CAMK1D: variants seen among roughly 807,000 people sequenced by gnomAD.
CAMK1D encodes the protein calcium/calmodulin-dependent protein kinase type 1D.
CAMK1D carries 9 observed loss-of-function variants against 47.7 expected under a neutral mutation model. The ratio of observed to expected loss-of-function variants is 0.19; its 90% CI spans 0.11 to 0.33. CAMK1D has a LOEUF of 0.33. Ranked by LOEUF, CAMK1D falls within the 10% of genes least tolerant of loss-of-function variation. The pLI, the probability that CAMK1D is intolerant of heterozygous loss-of-function variation, is 1.00. For synonymous variants in CAMK1D, 184 were observed against 184.9 expected (o/e 0.99, Z 0.04); for missense variants, 291 against 488.7 (o/e 0.60, Z 3.81).
chr10:12,790,343 T>C (rs1249720992), intron 5 of CAMK1D, among the ~76,000 whole-genome samples: 1 of 152,218 alleles, frequency 6.6e-6, no homozygotes, highest in African/African-American at 2.4e-5. Context: ...TGAGCTCCAC[T>C]GCACTGTCAC....
At chr10:12,827,652 T>TCTCTCTCCCCTCTCCC in intron 10 of CAMK1D, among the ~76,000 whole-genome samples, 1 of 9,984 alleles carries the variant, frequency 1.0e-4, no homozygotes, top group African/African-American at 1.6e-4. Flanking sequence ...TCCCCTCTCC[T>TCTCTCTCCCCTCTCCC]CTCTCCTCTC....
chr10:12,434,743 G>C (rs567867892), intron 1 of CAMK1D, among the ~76,000 whole-genome samples: 1 of 152,174 alleles, frequency 6.6e-6, no homozygotes, highest in Non-Finnish European at 1.5e-5. Context: ...GATGTTCACC[G>C]GGTAATGCTT....
chr10:12,428,665 C>T (rs1012737583), intron 1 of CAMK1D, among the ~76,000 whole-genome samples: 3 of 152,246 alleles, frequency 2.0e-5, no homozygotes, highest in African/African-American at 7.2e-5. Flanking sequence ...CTGGCTCCCA[C>T]TGCCCTTAGA....
chr10:12,585,156 C>T (rs1349936037), intron 2 of CAMK1D, among the ~76,000 whole-genome samples: 1 of 152,180 alleles, frequency 6.6e-6, no homozygotes, highest in Non-Finnish European at 1.5e-5. Context: ...ACAGCTCAGC[C>T]AGGCTTTCTT....
chr10:12,689,434 A>G (rs1386033483), intron 3 of CAMK1D, among the ~76,000 whole-genome samples: 1 of 152,228 alleles, frequency 6.6e-6, no homozygotes, highest in African/African-American at 2.4e-5. Flanking sequence ...CAGAAAACTC[A>G]GGTAAAAGTA....
At chr10:12,531,669 TGC>T (rs1835809591) in intron 1 of CAMK1D, among the ~76,000 whole-genome samples, 1 of 152,238 alleles carries the variant, frequency 6.6e-6, no homozygotes, top group South Asian at 2.1e-4. Context: ...CTAACTTGCG[TGC>T]TCCAATGAGA....
intron 3 of CAMK1D, among the ~76,000 whole-genome samples, chr10:12,747,769 G>C (rs1835754442): frequency 6.6e-6 from 1 of 152,294 alleles, no homozygotes; most frequent in East Asian, 1.9e-4. Flanking sequence ...CGAGTCCTGG[G>C]AAGAGCATTT....
chr10:12,479,865 T>C (rs1834011133), intron 1 of CAMK1D, among the ~76,000 whole-genome samples: 1 of 152,188 alleles, frequency 6.6e-6, no homozygotes, highest in Non-Finnish European at 1.5e-5. Context: ...TAAAATCCAC[T>C]ATAACGCAGT....
chr10:12,528,162 A>G (rs974279259), intron 1 of CAMK1D, among the ~76,000 whole-genome samples: 3 of 152,248 alleles, frequency 2.0e-5, no homozygotes, highest in African/African-American at 7.2e-5. Context: ...GTAATTTGCC[A>G]AGGTCACATA....
chr10:12,687,114 A>G (rs1210113717), intron 3 of CAMK1D, among the ~76,000 whole-genome samples: 1 of 152,150 alleles, frequency 6.6e-6, no homozygotes, highest in Non-Finnish European at 1.5e-5. Context: ...TATACTTGAA[A>G]TAGGAAGAGA....
At chr10:12,478,534 T>A (rs1002194404) in intron 1 of CAMK1D, among the ~76,000 whole-genome samples, 1 of 152,148 alleles carries the variant, frequency 6.6e-6, no homozygotes, top group Admixed American at 6.5e-5. Context: ...CTCAAACTCC[T>A]GGCCCCAACG....
intron 1 of CAMK1D, among the ~76,000 whole-genome samples, chr10:12,441,964 G>A (rs1832795839): frequency 6.6e-6 from 1 of 152,154 alleles, no homozygotes; most frequent in Admixed American, 6.5e-5. Context: ...GACACAGAAT[G>A]GATTGGAAGT....
rs1238234611 is a variant in CAMK1D, at chr10:12,642,059, A to G, written c.225-24677A>G. Among the ~76,000 whole-genome samples the G allele has an allele frequency of 4.6e-5, 7 of 151,932 alleles. 1 individual carries two copies. Among genetic ancestry groups the G allele is most frequent in the Non-Finnish European group, 1.0e-4 (7 of 67,984 alleles). On this transcript the variant is annotated intron_variant, in intron 2 of 10. Coordinates refer to ENST00000619168, the MANE Select transcript of CAMK1D (RefSeq NM_153498.4). Reference sequence around the variant, plus strand: ...ACCCTTTCTCAGAATAAAAAAAAAAAAAAGAAAGAAAAGGCCGCAGGCTTT... The same window carrying G: ...ACCCTTTCTCAGAATAAAAAAAAAAGAAAGAAAGAAAAGGCCGCAGGCTTT...
chr10:12,615,268 T>A (rs1838746945), intron 2 of CAMK1D, among the ~76,000 whole-genome samples: 1 of 152,232 alleles, frequency 6.6e-6, no homozygotes, highest in Admixed American at 6.5e-5. Context: ...CAAGAGGAAT[T>A]CACTATTTTT....
chr10:12,834,050 A>G lies in CAMK1D; in HGVS notation c.*5163A>G, dbSNP rs1833465385. On this transcript the variant is annotated 3_prime_UTR_variant, in exon 11 of 11. Transcript: ENST00000619168. ...AAGATATTCCAGTCTTTCGATGTTC[A>G]GAATTGAAAATGTGGAGATAGAAAA... The G allele has an allele frequency of 6.6e-6, 1 of 152,150 alleles. No individual in the cohort carries two copies. Among genetic ancestry groups the G allele is most frequent in the African/African-American group, 2.4e-5 (1 of 41,444 alleles). 9.4% of individuals were successfully genotyped at this position (152,150 alleles called of 1,614,324 possible).
At chr10:12,794,259 A>G (rs1838098152) in intron 6 of CAMK1D, among the ~76,000 whole-genome samples, 1 of 152,146 alleles carries the variant, frequency 6.6e-6, no homozygotes, top group Non-Finnish European at 1.5e-5. Flanking sequence ...GGCTTAAATA[A>G]CTGTGTCGAT....
intron 2 of CAMK1D, among the ~76,000 whole-genome samples, chr10:12,613,354 CTG>C (rs1430170660): frequency 1.3e-5 from 2 of 152,158 alleles, no homozygotes; most frequent in Non-Finnish European, 2.9e-5. Context: ...TTACACGAGA[CTG>C]TGACAAGCCA....
chr10:12,728,699 A>G lies in CAMK1D; in HGVS notation c.300-32249A>G, dbSNP rs540309078. ...ATCGGTTTCTCTGGCTGCCCTTTCA[A>G]TTCCACTCACCACCCTCACCCCGTA... On this transcript the variant is annotated intron_variant, in intron 3 of 10. Transcript: ENST00000619168. Among the ~76,000 whole-genome samples the G allele has an allele frequency of 2.5e-4, 38 of 152,316 alleles. No homozygotes were observed. In the East Asian group the frequency reaches 6.9e-3, roughly 28 times the overall value.
chr10:12,722,389 T>C (rs1334624301), intron 3 of CAMK1D, among the ~76,000 whole-genome samples: 1 of 123,982 alleles, frequency 8.1e-6, no homozygotes, highest in Non-Finnish European at 1.5e-5. Flanking sequence ...GAGCTTGCAA[T>C]GAGCCAAGAT....
Sources: gnomAD v4.1 joint callset for allele counts (sites outside exome capture counted in the v4.1 genomes callset) on GRCh38, gnomAD v4.1.1 for gene constraint, MANE v1.5 for transcripts, NCBI Gene and HGNC (gene_info 2026-07-23, HGNC 2026-07-21) for gene names.